The following NDEL1 variants were observed in gnomAD, a reference collection of about 807,000 sequenced individuals.
NDEL1 encodes nudE neurodevelopment protein 1 like 1.
Under a neutral mutation model 45.7 loss-of-function variants are expected in NDEL1, and 9 were observed. That is an observed-to-expected ratio of 0.20 (90% CI 0.12 to 0.34). The LOEUF is 0.34. Among genes scored for constraint, NDEL1 ranks in the 10% least tolerant of loss-of-function variants. The probability of loss-of-function intolerance (pLI) is 1.00; values close to 1 mark genes in which losing one functional copy is unlikely to be tolerated. For missense variants in NDEL1, 306 were observed against 406.2 expected, an observed-to-expected ratio of 0.75 and a Z score of 2.12; for synonymous variants, 133 against 158.6, an observed-to-expected ratio of 0.84 and a Z score of 1.21.
At chr17:8,458,952 G>A (rs915920882) in intron 7 of NDEL1, among the ~76,000 whole-genome samples, 6 of 152,094 alleles carry the variant, frequency 3.9e-5, no homozygotes, top group Middle Eastern at 6.8e-3. Context: ...GGCTGGTCTC[G>A]AACTCATGGC....
intron 1 of NDEL1, among the ~76,000 whole-genome samples, chr17:8,441,878 G>T (rs1010580566): frequency 6.6e-6 from 1 of 152,086 alleles, no homozygotes; most frequent in Admixed American, 6.6e-5. Context: ...CTCAGGAAGT[G>T]TGTAGGAGGT....
At chr17:8,413,533 T>C (rs1908472740) in intron 1 of NDEL1, among the ~76,000 whole-genome samples, 1 of 152,188 alleles carries the variant, frequency 6.6e-6, no homozygotes, top group Non-Finnish European at 1.5e-5. Context: ...ATCACCTTGA[T>C]TTGGTTTCCT....
upstream of NDEL1, among the ~76,000 whole-genome samples, chr17:8,435,627 G>A (rs1286238500): frequency 2.6e-5 from 4 of 152,354 alleles, no homozygotes; most frequent in African/African-American, 7.2e-5. Context: ...GTTCCCATCC[G>A]TCTTGGCACC....
intron 2 of NDEL1, chr17:8,445,105 A>G (rs944729414): frequency 1.3e-5 from 2 of 152,202 alleles, no homozygotes; most frequent in Non-Finnish European, 2.9e-5. Flanking sequence ...GGGCTGGGGT[A>G]GCCTGTGGAC....
At chr17:8,448,364 A>G (rs1437535739) in intron 4 of NDEL1, among the ~76,000 whole-genome samples, 186 bp from the exon 5 acceptor site, 1 of 152,166 alleles carries the variant, frequency 6.6e-6, no homozygotes, top group Non-Finnish European at 1.5e-5. Flanking sequence ...TGTATTGTAT[A>G]TATTGCCCAA....
At chr17:8,431,430 A>T (rs959952724), upstream of NDEL1, 25 of 152,356 alleles carry the variant, frequency 1.6e-4, no homozygotes, top group African/African-American at 4.6e-4. Context: ...TGGAAGCAAT[A>T]ATCACAGCCT....
In NDEL1 at chr17:8,467,481, T is replaced by G; in HGVS notation, c.*458T>G. On this transcript the variant is annotated 3_prime_UTR_variant, in exon 9 of 9. Coordinates refer to ENST00000334527, the MANE Select transcript of NDEL1 (RefSeq NM_030808.5). The surrounding 1 kb of genome is among the most constrained non-coding windows in gnomAD (Gnocchi z 6.3). ...GGCATCTCCAGTGCTCATGATCATG[T>G]GTCCCCCAACTCCACCCCTCACAGT... The G allele has an allele frequency of 2.7e-6, 1 of 366,966 alleles. No individual in the cohort carries two copies. The highest frequency in any genetic ancestry group is 4.0e-5 in the East Asian group (1 of 25,090). 22.7% of individuals were successfully genotyped at this position (366,966 alleles called of 1,614,324 possible).
chr17:8,466,267 A>G (rs903487), intron 8 of NDEL1: 142,939 of 152,164 alleles, frequency 0.94, 67,770 homozygotes, highest in East Asian at 1. Flanking sequence ...TTTATGATAT[A>G]TATGATCCTA....
intron 1 of NDEL1, among the ~76,000 whole-genome samples, chr17:8,421,766 C>T (rs984789792): frequency 6.6e-6 from 1 of 152,148 alleles, no homozygotes; most frequent in African/African-American, 2.4e-5. Context: ...TAGAAAGGAA[C>T]GTTGGCAAGA....
At chr17:8,434,837 C>A (rs921391914), upstream of NDEL1, among the ~76,000 whole-genome samples, 6 of 151,748 alleles carry the variant, frequency 4.0e-5, no homozygotes, top group African/African-American at 1.4e-4. Flanking sequence ...TTTGGGAGGC[C>A]GAGGCGGGCG....
At chr17:8,463,350 C>A in intron 8 of NDEL1, 1 of 1,612,916 alleles carries the variant, frequency 6.2e-7, no homozygotes, top group Non-Finnish European at 8.5e-7. Context: ...CCACGTTGTT[C>A]ATGGGTAACT....
intron 6 of NDEL1, 69 bp downstream of exon 6, chr17:8,451,022 G>A (rs1213801691): frequency 6.8e-7 from 1 of 1,469,736 alleles, no homozygotes; most frequent in East Asian, 2.4e-5. Context: ...GTTGCTGAAG[G>A]CGGTTGCTAA....
chr17:8,428,323 GGTGTGTGT>G (rs61341198), intron 1 of NDEL1, among the ~76,000 whole-genome samples: 2 of 62,052 alleles, frequency 3.2e-5, no homozygotes, highest in East Asian at 8.3e-4. Flanking sequence ...AAGTGTGTGT[GGTGTGTGT>G]GTGTGTGTGT....
intron 8 of NDEL1, chr17:8,463,237 A>G: frequency 9.4e-7 from 1 of 1,058,396 alleles, no homozygotes; most frequent in Non-Finnish European, 1.4e-6. Flanking sequence ...GGCTGTGTGT[A>G]GGTGGGCATG....
chr17:8,417,554 C>T (rs1037812668), intron 1 of NDEL1, among the ~76,000 whole-genome samples: 6 of 152,102 alleles, frequency 3.9e-5, no homozygotes, highest in Non-Finnish European at 7.4e-5. Flanking sequence ...TGTGTCTGTG[C>T]GTGTGTCTGT....
Position 8,424,592 on chromosome 17 carries a change from C to G in NDEL1, c.-13+11323C>G, listed in dbSNP as rs567491414. ...TCTCAGCTCACAGGAAGCACCGCCT[C>G]CCGGGTTCACGCCATTCTCCTGCCT... is the stretch of plus-strand genomic sequence containing the variant. On this transcript the variant is annotated intron_variant, in intron 1 of 4. Transcript: ENST00000582812. 1.2e-4 allele frequency among the ~76,000 whole-genome samples: 18 copies of G among 152,362 alleles called. No individual in the cohort carries two copies. The South Asian group carries it at 3.7e-3, about 32-fold the overall frequency.
chr17:8,443,142 A>G (rs1246583510), intron 1 of NDEL1, among the ~76,000 whole-genome samples: 1 of 152,190 alleles, frequency 6.6e-6, no homozygotes, highest in African/African-American at 2.4e-5. Flanking sequence ...GGTTGAATCA[A>G]TTATGGTTTA....
chr17:8,463,491 C>T, intron 8 of NDEL1: 1 of 714,366 alleles, frequency 1.4e-6, no homozygotes, highest in South Asian at 1.8e-5. Context: ...CATCAGTGAA[C>T]TTTCACGGTC....
At chr17:8,430,394 T>TACA (rs1279590756) in intron 1 of NDEL1, among the ~76,000 whole-genome samples, 13 of 152,228 alleles carry the variant, frequency 8.5e-5, no homozygotes, top group African/African-American at 3.1e-4. Flanking sequence ...CCCCATCTCG[T>TACA]CAGAATTTCC....
Sources: gnomAD v4.1 joint callset for allele counts (sites outside exome capture counted in the v4.1 genomes callset) on GRCh38, gnomAD v4.1.1 for gene constraint, Gnocchi (gnomAD v3.1) non-coding constraint, MANE v1.5 for transcripts, NCBI Gene and HGNC (gene_info 2026-07-23, HGNC 2026-07-21) for gene names.